The following CSNK1G3 variants were observed in gnomAD, a reference collection of about 807,000 sequenced individuals.
CSNK1G3 encodes the protein casein kinase I isoform gamma-3.
A neutral mutation model predicts 64.3 loss-of-function variants in CSNK1G3; 23 were observed. The observed-to-expected ratio is 0.36, with a 90% confidence interval of 0.26 to 0.51. CSNK1G3 has a LOEUF of 0.51. Ranked by LOEUF, CSNK1G3 falls within the 20% of genes least tolerant of loss-of-function variation. The pLI is 0.96. For missense variants in CSNK1G3, 357 were observed against 510.5 expected, an observed-to-expected ratio of 0.70 and a Z score of 2.90; for synonymous variants, 158 against 162.2, an observed-to-expected ratio of 0.97 and a Z score of 0.20.
chr5:123,518,286 G>T (rs1777527749), intron 1 of CSNK1G3, among the ~76,000 whole-genome samples: 1 of 152,238 alleles, frequency 6.6e-6, no homozygotes, highest in African/African-American at 2.4e-5. Flanking sequence ...GGAAGTCCAG[G>T]TTGGAGAAGG....
chr5:123,604,267 G>T (rs984927366), intron 10 of CSNK1G3, among the ~76,000 whole-genome samples: 2 of 152,112 alleles, frequency 1.3e-5, no homozygotes, highest in Non-Finnish European at 2.9e-5. Context: ...ATTTAAATGG[G>T]CAGTTTGAAA....
intron 1 of CSNK1G3, among the ~76,000 whole-genome samples, chr5:123,516,654 T>A (rs937852004): frequency 6.6e-6 from 1 of 152,192 alleles, no homozygotes; most frequent in Non-Finnish European, 1.5e-5. Context: ...TAAGACACAC[T>A]TTTTTGGTCG....
At chr5:123,535,863 T>C (rs1780708330) in intron 1 of CSNK1G3, among the ~76,000 whole-genome samples, 1 of 152,138 alleles carries the variant, frequency 6.6e-6, no homozygotes, top group Non-Finnish European at 1.5e-5. Flanking sequence ...TGCCTCTCTC[T>C]CCCTCCTAGT....
chr5:123,570,021 G>T (rs558168980), intron 4 of CSNK1G3, among the ~76,000 whole-genome samples: 2 of 152,060 alleles, frequency 1.3e-5, no homozygotes, highest in African/African-American at 4.8e-5. Context: ...GTGGATTTTT[G>T]AATATTAACC....
exon 1 of CSNK1G3, chr5:123,512,392 TCTCGCTCCTTCCCCCCTACCTCGCTCG>T (rs1362645327): frequency 1.3e-5 from 2 of 152,030 alleles, no homozygotes; most frequent in Non-Finnish European, 2.9e-5. Context: ...TACCTCTCTC[TCTCGCTCCTTCCCCCCTACCTCGCTCG>T]CTCGCTCGCT....
At chr5:123,537,254 C>T (rs1193456414) in intron 1 of CSNK1G3, among the ~76,000 whole-genome samples, 1 of 152,086 alleles carries the variant, frequency 6.6e-6, no homozygotes, top group Non-Finnish European at 1.5e-5. Context: ...TACTATTCAG[C>T]CATAAGAAAG....
intron 4 of CSNK1G3, among the ~76,000 whole-genome samples, chr5:123,566,222 G>T (rs914349635): frequency 2.6e-5 from 4 of 152,100 alleles, no homozygotes; most frequent in Admixed American, 2.6e-4. Context: ...TATAAAATGA[G>T]ATATTTAATG....
intron 1 of CSNK1G3, among the ~76,000 whole-genome samples, chr5:123,523,006 T>A (rs1370008930): frequency 6.6e-6 from 1 of 152,218 alleles, no homozygotes; most frequent in Admixed American, 6.5e-5. Context: ...TTATAAATTA[T>A]AAGAGGGGAA....
chr5:123,574,758 G>C lies in CSNK1G3; in HGVS notation c.439-971G>C, dbSNP rs1350911459. On this transcript the variant is annotated intron_variant, in intron 5 of 12. Transcript: ENST00000345990. ...GGCAAGAGGATTGCTTGAGCCCGGA[G>C]GTTAAAGGTTGAAGCTGCAATGAGC... Among the ~76,000 whole-genome samples, 4 of 152,102 alleles carry C rather than the reference G, an allele frequency of 2.6e-5. No individual in the cohort carries two copies. The East Asian group carries it at 7.7e-4, about 29-fold the overall frequency.
chr5:123,593,790 G>A (rs1792893302), intron 10 of CSNK1G3, among the ~76,000 whole-genome samples: 1 of 152,014 alleles, frequency 6.6e-6, no homozygotes, highest in African/African-American at 2.4e-5. Context: ...TACAATTTAG[G>A]AAGCTTAGTG....
intron 1 of CSNK1G3, among the ~76,000 whole-genome samples, chr5:123,534,469 TACTC>T (rs1355972787): frequency 6.6e-6 from 1 of 152,098 alleles, no homozygotes; most frequent in African/African-American, 2.4e-5. Context: ...CCTTATATAA[TACTC>T]AGTCTTAGAA....
intron 1 of CSNK1G3, 79 bp from the exon 2 acceptor site, chr5:123,545,338 C>T (rs548925009): frequency 1.6e-5 from 3 of 185,242 alleles, no homozygotes; most frequent in African/African-American, 7.0e-5. Context: ...CTTGCCTAAG[C>T]TTTTGTTATG....
intron 1 of CSNK1G3, among the ~76,000 whole-genome samples, chr5:123,537,256 A>G (rs572011970): frequency 3.3e-5 from 5 of 152,352 alleles, no homozygotes; most frequent in East Asian, 1.9e-4. Context: ...CTATTCAGCC[A>G]TAAGAAAGAG....
At chr5:123,587,751 A>G (rs1791588898) in intron 6 of CSNK1G3, among the ~76,000 whole-genome samples, 1 of 152,222 alleles carries the variant, frequency 6.6e-6, no homozygotes, top group Admixed American at 6.5e-5. Flanking sequence ...ACAGAGCTGT[A>G]GTATACAGTG....
At chr5:123,561,573 C>T (rs1486566255) in intron 4 of CSNK1G3, among the ~76,000 whole-genome samples, 1 of 152,154 alleles carries the variant, frequency 6.6e-6, no homozygotes, top group African/African-American at 2.4e-5. Context: ...TGTGTGGCTT[C>T]ATCCTGCAAT....
At chr5:123,534,957 T>G (rs1780553246) in intron 1 of CSNK1G3, among the ~76,000 whole-genome samples, 1 of 152,194 alleles carries the variant, frequency 6.6e-6, no homozygotes, top group Admixed American at 6.5e-5. Flanking sequence ...CTTTCTCATC[T>G]AATTTGAGAA....
intron 2 of CSNK1G3, among the ~76,000 whole-genome samples, chr5:123,551,413 A>ACC (rs1362637668): frequency 1.3e-5 from 2 of 152,194 alleles, no homozygotes; most frequent in Non-Finnish European, 2.9e-5. Context: ...GAGTATATGA[A>ACC]TAGAGCTTAA....
At chr5:123,518,582 CT>C (rs1777573978) in intron 1 of CSNK1G3, among the ~76,000 whole-genome samples, 1 of 152,222 alleles carries the variant, frequency 6.6e-6, no homozygotes, top group Admixed American at 6.5e-5. Context: ...GCAAATACAT[CT>C]TTTGCATAAG....
exon 13 of CSNK1G3, chr5:123,616,596 A>G (rs1047480268): frequency 5.9e-5 from 9 of 152,734 alleles, no homozygotes; most frequent in Admixed American, 5.2e-4. Context: ...CTGGTCAATA[A>G]TAGGTAATGC....
Sources: allele counts gnomAD v4.1 joint callset (sites outside exome capture counted in the v4.1 genomes callset), GRCh38; gene constraint gnomAD v4.1.1; transcripts MANE v1.5; gene names NCBI Gene and HGNC (gene_info 2026-07-23, HGNC 2026-07-21).